The following SEMA3C variants were observed in gnomAD, a reference collection of about 807,000 sequenced individuals.
The protein encoded by SEMA3C is semaphorin-3C.
Under a neutral mutation model 89.4 loss-of-function variants are expected in SEMA3C, and 47 were observed. That is an observed-to-expected ratio of 0.53 (90% CI 0.42 to 0.67). The LOEUF (loss-of-function observed/expected upper bound fraction) is 0.67. Ranked by LOEUF, SEMA3C falls within the 30% of genes least tolerant of loss-of-function variation. The pLI is 0.00. For missense variants in SEMA3C, 839 were observed against 929.1 expected (o/e 0.90, Z 1.26); for synonymous variants, 310 against 320.2 (o/e 0.97, Z 0.34).
At chr7:80,889,658 C>T (rs1791567012) in intron 2 of SEMA3C, among the ~76,000 whole-genome samples, 1 of 151,800 alleles carries the variant, frequency 6.6e-6, no homozygotes, top group Middle Eastern at 3.2e-3. Flanking sequence ...TTCTAAAGTG[C>T]CATGTTTTCA....
Position 80,828,629 on chromosome 7 carries a change from T to C in SEMA3C, c.220A>G (p.Ile74Val). The change falls in exon 3 of 18, where the codon ATT becomes GTT. Residue 74 changes from isoleucine (I) to valine (V), a missense_variant. Physicochemically the swap from Ile to Val is conservative, Grantham distance 29 (BLOSUM62 3). Transcript: ENST00000265361. ...ATATTGTTAATATTCAGGGAAAGAA[T>C]GTGATCTTTGCTTCCCACATATATC... Reference protein sequence around the residue: ...DRIYVGSKDHILSLNINNISQ... With the variant: ...DRIYVGSKDHVLSLNINNISQ... 6.2e-7 allele frequency: 1 copy of C among 1,611,776 alleles called. No individual in the cohort carries two copies. The highest frequency in any genetic ancestry group is 1.7e-4 in the Middle Eastern group (1 of 6,056).
At position 80,827,499 on chromosome 7, in the gene SEMA3C, G is replaced by A; in HGVS notation, c.265-12C>T. 1 of 1,562,856 alleles carries A rather than the reference G, an allele frequency of 6.4e-7. No homozygotes were observed. Among genetic ancestry groups the A allele is most frequent in the Non-Finnish European group, 8.6e-7 (1 of 1,156,544 alleles). On this transcript the variant is annotated splice_polypyrimidine_tract_variant and intron_variant, in intron 3 of 17. Coordinates refer to ENST00000265361, the MANE Select transcript of SEMA3C (RefSeq NM_006379.5). Reference sequence around the variant, plus strand: ...GCTGGCCAGAAAACCTGCTCAGAAAGAAAAATAAAGGTTGCATAATCTCAC... The same window carrying A: ...GCTGGCCAGAAAACCTGCTCAGAAAAAAAAATAAAGGTTGCATAATCTCAC...
chr7:80,851,786 G>GA (rs796309714), intron 2 of SEMA3C, among the ~76,000 whole-genome samples: 4 of 149,206 alleles, frequency 2.7e-5, no homozygotes, highest in African/African-American at 4.9e-5. Flanking sequence ...AAGTGATAAA[G>GA]AAAAAAAAAG....
chr7:80,857,615 A>C (rs899677435), intron 2 of SEMA3C, among the ~76,000 whole-genome samples: 6 of 152,182 alleles, frequency 3.9e-5, no homozygotes, highest in Non-Finnish European at 7.4e-5. Flanking sequence ...ACTTTGTAAA[A>C]AATTAATAGA....
chr7:80,916,943 A>T, intron 1 of SEMA3C, 124 bp from the exon 2 acceptor site: 7 of 686,214 alleles, frequency 1.0e-5, no homozygotes. Flanking sequence ...AGTAATGCAA[A>T]CAGTAGGAGG....
chr7:80,764,469 C>T (rs1253048569), intron 13 of SEMA3C, among the ~76,000 whole-genome samples: 1 of 152,148 alleles, frequency 6.6e-6, no homozygotes, highest in African/African-American at 2.4e-5. Context: ...AGCAGGACAC[C>T]ACAAATCCCC....
chr7:80,888,077 T>C (rs1432328258), intron 2 of SEMA3C, among the ~76,000 whole-genome samples: 2 of 152,126 alleles, frequency 1.3e-5, no homozygotes, highest in East Asian at 3.9e-4. Context: ...CCTTAAACTA[T>C]GAAAACTCAG....
chr7:80,793,130 C>A (rs937910330), intron 11 of SEMA3C, among the ~76,000 whole-genome samples: 1 of 152,128 alleles, frequency 6.6e-6, no homozygotes, highest in Non-Finnish European at 1.5e-5. Flanking sequence ...CTCAGTTCTT[C>A]CAGCTATTTG....
chr7:80,846,702 A>T (rs940223484), intron 2 of SEMA3C, among the ~76,000 whole-genome samples: 1 of 152,192 alleles, frequency 6.6e-6, no homozygotes, highest in Admixed American at 6.5e-5. Flanking sequence ...TCCTGTGAGA[A>T]ATGACGAAAA....
chr7:80,827,320 C>A, intron 4 of SEMA3C, 105 bp downstream of exon 4: 2 of 1,210,194 alleles, frequency 1.7e-6, no homozygotes, highest in South Asian at 2.0e-5. Context: ...AAATTTAAAA[C>A]ACCACCATCC....
intron 2 of SEMA3C, among the ~76,000 whole-genome samples, chr7:80,869,841 T>G (rs1791014834): frequency 6.6e-6 from 1 of 152,144 alleles, no homozygotes; most frequent in South Asian, 2.1e-4. Context: ...TATGGAAATC[T>G]CTTACTCATT....
intron 5 of SEMA3C, among the ~76,000 whole-genome samples, chr7:80,817,284 T>C (rs937022769): frequency 6.6e-6 from 1 of 152,148 alleles, no homozygotes; most frequent in Admixed American, 6.6e-5. Context: ...TGTTCAGTCA[T>C]ATTAGAACTA....
chr7:80,835,301 T>G (rs1790100337), intron 2 of SEMA3C, among the ~76,000 whole-genome samples: 1 of 152,298 alleles, frequency 6.6e-6, no homozygotes, highest in East Asian at 1.9e-4. Flanking sequence ...ATGTCCTAAT[T>G]ACTATTTCAC....
intron 15 of SEMA3C, 22 bp downstream of exon 15, chr7:80,758,309 G>A (rs986807847): frequency 8.8e-6 from 14 of 1,598,882 alleles, no homozygotes; most frequent in Middle Eastern, 3.5e-4. Flanking sequence ...TTTGGATGTT[G>A]AGCCGAGTGT....
intron 2 of SEMA3C, among the ~76,000 whole-genome samples, chr7:80,840,518 GAAAAAAAAAA>G (rs1171113816): frequency 0.26 from 21,664 of 82,410 alleles, 2,161 homozygotes; most frequent in Middle Eastern, 0.36. Flanking sequence ...CTGTCTCCAG[GAAAAAAAAAA>G]AAAAAAAAAA....
chr7:80,745,069 A>G lies in SEMA3C; in HGVS notation c.2081T>C (p.Met694Thr). Reference protein sequence around the residue: ...RALPFHPKDIMGAFSHSEMQM... With the variant: ...RALPFHPKDITGAFSHSEMQM... ...CATTTCTGAGTGGCTGAATGCCCCC[A>G]TGATGTCCTTCGGGTGGAAGGGTAA... Residue 694 changes from methionine to threonine, a missense_variant, in exon 18 of 18, where the codon ATG (methionine) becomes ACG (threonine). Transcript: ENST00000265361. 1.2e-6 allele frequency: 2 copies of G among 1,614,108 alleles called. No individual in the cohort carries two copies. The highest frequency in any genetic ancestry group is 1.7e-5 in the Admixed American group (1 of 59,990).
At chr7:80,805,992 A>G (rs1789332591) in intron 6 of SEMA3C, among the ~76,000 whole-genome samples, 2 of 152,010 alleles carry the variant, frequency 1.3e-5, no homozygotes, top group South Asian at 4.1e-4. Flanking sequence ...AAACCTCAAA[A>G]CAACTTTATT....
chr7:80,839,161 A>G (rs568801167), intron 2 of SEMA3C, among the ~76,000 whole-genome samples: 1 of 152,290 alleles, frequency 6.6e-6, no homozygotes, highest in Admixed American at 6.5e-5. Flanking sequence ...GTAGAATAAA[A>G]TCTGAACTTA....
chr7:80,803,006 A>T (rs1364371563), intron 8 of SEMA3C, among the ~76,000 whole-genome samples: 3 of 152,270 alleles, frequency 2.0e-5, no homozygotes, highest in African/African-American at 7.2e-5. Flanking sequence ...AAATACATTT[A>T]TTTGATAAAT....
Sources: gnomAD v4.1 joint callset for allele counts (sites outside exome capture counted in the v4.1 genomes callset) on GRCh38, gnomAD v4.1.1 for gene constraint, MANE v1.5 for transcripts, NCBI Gene and HGNC (gene_info 2026-07-23, HGNC 2026-07-21) for gene names.